The following RAD54B variants were observed in gnomAD, a reference collection of about 807,000 sequenced individuals.
The protein encoded by RAD54B is RAD54 homolog B.
In RAD54B, 78 loss-of-function variants were observed where a neutral mutation model predicts 95.8. The observed-to-expected ratio is 0.81, with a 90% CI of 0.68 to 0.98. The LOEUF is 0.98. RAD54B is among the 50% of genes least tolerant of loss of function. RAD54B has a pLI of 0.00. For missense variants in RAD54B, 957 were observed against 1,056.6 expected, an observed-to-expected ratio of 0.91 and a Z score of 1.31; for synonymous variants, 328 against 354.9, an observed-to-expected ratio of 0.92 and a Z score of 0.85.
intron 1 of RAD54B, among the ~76,000 whole-genome samples, chr8:94,473,470 C>T (rs1353745019): frequency 6.6e-6 from 1 of 152,128 alleles, no homozygotes; most frequent in Non-Finnish European, 1.5e-5. Flanking sequence ...GAGGGGGTAC[C>T]ATAATCATGC....
At chr8:94,394,249 A>G (rs1408385320) in intron 8 of RAD54B, among the ~76,000 whole-genome samples, 3 of 152,184 alleles carry the variant, frequency 2.0e-5, no homozygotes, top group Middle Eastern at 3.2e-3. Context: ...GCAGATAATA[A>G]CAGTCGTTCC....
chr8:94,393,180 C>T (rs1439719680), intron 9 of RAD54B, among the ~76,000 whole-genome samples: 4 of 152,012 alleles, frequency 2.6e-5, no homozygotes, highest in Admixed American at 1.3e-4. Context: ...AGGAGTATTG[C>T]CAGGCCACAA....
intron 8 of RAD54B, among the ~76,000 whole-genome samples, chr8:94,397,731 TTTTA>T (rs1211525959): frequency 2.0e-5 from 3 of 152,156 alleles, no homozygotes; most frequent in East Asian, 1.9e-4. Flanking sequence ...CACTCTTCTT[TTTTA>T]TTTATTTTTC....
chr8:94,435,538 G>A (rs1267494107), intron 3 of RAD54B, among the ~76,000 whole-genome samples: 6 of 152,122 alleles, frequency 3.9e-5, no homozygotes, highest in East Asian at 1.9e-4. Flanking sequence ...CTAACAAGGA[G>A]TTTACAATTT....
chr8:94,435,174 T>C (rs548708353), intron 3 of RAD54B, among the ~76,000 whole-genome samples: 2 of 152,082 alleles, frequency 1.3e-5, no homozygotes, highest in East Asian at 3.9e-4. Flanking sequence ...TACTGCGTAG[T>C]TTTCTGGATA....
chr8:94,432,719 G>T (rs1236600573), intron 3 of RAD54B: 1 of 1,381,102 alleles, frequency 7.2e-7, no homozygotes. Context: ...TATATTTATA[G>T]CATAATTTTA....
intron 11 of RAD54B, among the ~76,000 whole-genome samples, chr8:94,385,556 T>C (rs1427138037): frequency 1.3e-5 from 2 of 151,762 alleles, no homozygotes; most frequent in African/African-American, 4.8e-5. Flanking sequence ...AGGAGGGGAG[T>C]CTAACTCAAT....
intron 3 of RAD54B, among the ~76,000 whole-genome samples, chr8:94,448,648 CAGAA>C (rs944433084): frequency 7.1e-6 from 1 of 140,018 alleles, no homozygotes; most frequent in Non-Finnish European, 1.5e-5. Flanking sequence ...AAGCCAGACA[CAGAA>C]AGAAAAATAC....
intron 14 of RAD54B, among the ~76,000 whole-genome samples, chr8:94,374,062 G>T (rs998886970): frequency 6.6e-6 from 1 of 152,094 alleles, no homozygotes; most frequent in Non-Finnish European, 1.5e-5. Context: ...GGCAGATCAC[G>T]AGGTCAGGTG....
chr8:94,437,789 C>T (rs1178775118), intron 3 of RAD54B, among the ~76,000 whole-genome samples: 1 of 152,154 alleles, frequency 6.6e-6, no homozygotes, highest in East Asian at 1.9e-4. Context: ...TAGCTATATT[C>T]ACACAGTTTG....
In RAD54B at chr8:94,386,996, C is replaced by G. The variant is rs766867669; in HGVS notation, c.1973G>C (p.Arg658Pro). 5 of 1,595,762 alleles carry G rather than the reference C, an allele frequency of 3.1e-6. No individual in the cohort carries two copies. Among genetic ancestry groups the G allele is most frequent in the Non-Finnish European group, 4.3e-6 (5 of 1,174,304 alleles). ...SKLLAVIHELRPTEKVVLVSN... is the reference protein window; with the variant it reads ...SKLLAVIHELPPTEKVVLVSN... ...AAATCGATCTTACTTTTCAGTAGGT[C>G]GAAGTTCGTGGATAACCGCTAAGAG... Residue 658 changes from arginine to proline, a missense_variant, in exon 11 of 15, where the codon CGA (arginine) becomes CCA (proline). Physicochemically the swap from Arg to Pro is moderately radical, Grantham distance 103. Coordinates refer to ENST00000336148, the MANE Select transcript of RAD54B (RefSeq NM_012415.3).
chr8:94,442,699 T>C (rs1812432329), intron 3 of RAD54B, among the ~76,000 whole-genome samples: 1 of 151,996 alleles, frequency 6.6e-6, no homozygotes, highest in African/African-American at 2.4e-5. Context: ...AGAATTGGGA[T>C]GTTCCCAACA....
In RAD54B at chr8:94,372,127, A is replaced by G; in HGVS notation, c.*43T>C. Reference sequence around the variant, plus strand: ...AAAAGTACATTTAATTACCATACTAATTTTCAAAAGAAGAGCAATGGAATG... The same window carrying G: ...AAAAGTACATTTAATTACCATACTAGTTTTCAAAAGAAGAGCAATGGAATG... On this transcript the variant is annotated 3_prime_UTR_variant, in exon 15 of 15. Transcript: ENST00000336148. 6.5e-7 allele frequency: 1 copy of G among 1,540,648 alleles called. No homozygotes were observed. The highest frequency in any genetic ancestry group is 8.7e-7 in the Non-Finnish European group (1 of 1,151,990).
chr8:94,459,262 C>T (rs1812846105), intron 2 of RAD54B, among the ~76,000 whole-genome samples: 1 of 151,784 alleles, frequency 6.6e-6, no homozygotes. Flanking sequence ...AAGGGATCCT[C>T]CCACCTCAGC....
At chr8:94,404,322 G>C (rs1037474160) in intron 5 of RAD54B, 83 bp from the exon 6 acceptor site, 1 of 1,278,960 alleles carries the variant, frequency 7.8e-7, no homozygotes, top group Admixed American at 2.8e-5. Context: ...CCCTAAGATA[G>C]AAATGTTTGC....
intron 3 of RAD54B, among the ~76,000 whole-genome samples, chr8:94,412,887 T>C (rs1429460932): frequency 2.0e-5 from 3 of 152,110 alleles, no homozygotes; most frequent in Non-Finnish European, 2.9e-5. Flanking sequence ...AAGGTTCATA[T>C]GCAAAAATCA....
At chr8:94,450,448 G>A (rs1390743000) in intron 3 of RAD54B, among the ~76,000 whole-genome samples, 1 of 152,142 alleles carries the variant, frequency 6.6e-6, no homozygotes, top group African/African-American at 2.4e-5. Flanking sequence ...CCTAGGAAAA[G>A]TTAAGCAATC....
At chr8:94,418,858 G>A (rs1586153134) in intron 3 of RAD54B, among the ~76,000 whole-genome samples, 2 of 152,060 alleles carry the variant, frequency 1.3e-5, no homozygotes, top group African/African-American at 4.8e-5. Context: ...AATTTTGATA[G>A]CTTTGACTAT....
chr8:94,408,574 A>T (rs1007189263), intron 4 of RAD54B, among the ~76,000 whole-genome samples: 2 of 152,082 alleles, frequency 1.3e-5, no homozygotes, highest in African/African-American at 4.8e-5. Flanking sequence ...AAATTACTAA[A>T]ATTTTCTCTA....
Sources: gnomAD v4.1 joint callset for allele counts (sites outside exome capture counted in the v4.1 genomes callset) on GRCh38, gnomAD v4.1.1 for gene constraint, MANE v1.5 for transcripts, NCBI Gene and HGNC (gene_info 2026-07-23, HGNC 2026-07-21) for gene names.